Variants in DTHD1 observed in about 807,000 individuals in gnomAD.
DTHD1 encodes the protein death domain-containing protein 1.
Under a neutral mutation model 74.8 loss-of-function variants are expected in DTHD1, and 59 were observed. That is an observed-to-expected ratio of 0.79 (90% CI 0.64 to 0.98). The LOEUF (loss-of-function observed/expected upper bound fraction) is 0.98, where lower values mean the gene tolerates loss of function less well. Ranked by LOEUF, DTHD1 falls within the 50% of genes least tolerant of loss-of-function variation. DTHD1 has a pLI of 0.00. For missense variants in DTHD1, 1,051 were observed against 1,065.4 expected (o/e 0.99, Z 0.19); for synonymous variants, 365 against 371.1 (o/e 0.98, Z 0.19).
chr4:36,283,415 A>G (rs1415452701), intron 1 of DTHD1, among the ~76,000 whole-genome samples: 3 of 152,192 alleles, frequency 2.0e-5, no homozygotes, highest in Non-Finnish European at 4.4e-5. Context: ...ATGCTCACAA[A>G]TTCATCAGGA....
intron 8 of DTHD1, among the ~76,000 whole-genome samples, chr4:36,334,258 G>C (rs1197746130): frequency 1.3e-5 from 2 of 151,994 alleles, no homozygotes; most frequent in East Asian, 3.9e-4. Context: ...TCTGAGACCA[G>C]TTGAATCCAA....
chr4:36,284,627 C>A, intron 2 of DTHD1, 36 bp downstream of exon 2: 1 of 1,404,678 alleles, frequency 7.1e-7, no homozygotes. Context: ...CTTAAGTATG[C>A]CTACTTATAT....
intron 6 of DTHD1, among the ~76,000 whole-genome samples, chr4:36,308,002 C>T (rs1020203891): frequency 6.6e-6 from 1 of 152,172 alleles, no homozygotes; most frequent in Non-Finnish European, 1.5e-5. Context: ...GTGGCATGAG[C>T]CACTGTGCCC....
intron 2 of DTHD1, 82 bp from the exon 3 acceptor site, chr4:36,290,291 T>G: frequency 7.4e-7 from 1 of 1,343,998 alleles, no homozygotes. Context: ...AATGTAGATC[T>G]AGAGTCTGTG....
intron 5 of DTHD1, among the ~76,000 whole-genome samples, chr4:36,305,212 C>T (rs1226492586): frequency 6.6e-6 from 1 of 152,152 alleles, no homozygotes; most frequent in Non-Finnish European, 1.5e-5. Flanking sequence ...TCCTTTAATT[C>T]TATGATGTTG....
chr4:36,330,842 A>C (rs1165092821), intron 8 of DTHD1, among the ~76,000 whole-genome samples: 1 of 152,160 alleles, frequency 6.6e-6, no homozygotes, highest in African/African-American at 2.4e-5. Flanking sequence ...CTTTTATAGT[A>C]GCATTAATTT....
intron 6 of DTHD1, 59 bp downstream of exon 6, chr4:36,306,411 G>A: frequency 1.4e-6 from 2 of 1,426,020 alleles, no homozygotes; most frequent in South Asian, 3.1e-5. Flanking sequence ...CATAACTGGT[G>A]TTTATAGAAA....
rs562970570 is a variant in DTHD1, at chr4:36,284,278, G to T, written c.574G>T (p.Glu192Ter). The change falls in exon 2 of 10, where the codon GAA becomes TAA. Residue 192 changes from glutamate (E) to a stop codon, truncating the protein, a stop_gained. Transcript: ENST00000639862. LOFTEE classifies it high-confidence loss of function. ...THMSSALVEKENNTSLNGRVL... is the reference protein window; with the variant it reads ...THMSSALVEK ...TATGAGTTCAGCATTAGTGGAAAAAGAAAACAATACATCACTGAATGGACG... is the reference window on the plus strand; with the variant it reads ...TATGAGTTCAGCATTAGTGGAAAAATAAAACAATACATCACTGAATGGACG... 9.8e-6 allele frequency: 15 copies of T among 1,537,144 alleles called. No individual in the cohort carries two copies. The highest frequency in any genetic ancestry group is 1.3e-5 in the Non-Finnish European group (15 of 1,146,852).
intron 8 of DTHD1, among the ~76,000 whole-genome samples, chr4:36,318,999 C>T (rs1757912825): frequency 6.6e-6 from 1 of 152,168 alleles, no homozygotes; most frequent in African/African-American, 2.4e-5. Flanking sequence ...TGAGATAGTC[C>T]CATAGCTGCT....
chr4:36,326,143 C>T (rs1299735948), intron 8 of DTHD1, among the ~76,000 whole-genome samples: 1 of 152,056 alleles, frequency 6.6e-6, no homozygotes, highest in East Asian at 1.9e-4. Context: ...CCACGGGCTG[C>T]CATTGTGACA....
chr4:36,325,346 T>C (rs183941796), intron 8 of DTHD1, among the ~76,000 whole-genome samples: 1 of 152,340 alleles, frequency 6.6e-6, no homozygotes, highest in African/African-American at 2.4e-5. Context: ...CTGGTTTGTT[T>C]ATAATTAAGT....
chr4:36,334,129 A>G (rs1052819827), intron 8 of DTHD1, among the ~76,000 whole-genome samples: 1 of 152,072 alleles, frequency 6.6e-6, no homozygotes, highest in Non-Finnish European at 1.5e-5. Flanking sequence ...TCATTGGGAT[A>G]TATTTATAGG....
intron 9 of DTHD1, among the ~76,000 whole-genome samples, chr4:36,339,772 G>A (rs1759214684): frequency 6.6e-6 from 1 of 152,144 alleles, no homozygotes; most frequent in Admixed American, 6.6e-5. Context: ...TCTTACTAGT[G>A]CATCAGGTCC....
At chr4:36,308,122 C>T in intron 6 of DTHD1, 82 bp from the exon 7 acceptor site, 2 of 1,308,806 alleles carry the variant, frequency 1.5e-6, no homozygotes, top group African/African-American at 1.5e-5. Context: ...TGATATGACT[C>T]TTTTCTTGGG....
chr4:36,306,123 A>G (rs754763777), intron 5 of DTHD1, 68 bp from the exon 6 acceptor site: 145 of 1,344,768 alleles, frequency 1.1e-4, no homozygotes, highest in Non-Finnish European at 1.4e-4. Flanking sequence ...CAATGAAAGA[A>G]TGAATGCATT....
chr4:36,325,210 G>T (rs973712376), intron 8 of DTHD1, among the ~76,000 whole-genome samples: 2 of 152,192 alleles, frequency 1.3e-5, no homozygotes, highest in African/African-American at 4.8e-5. Flanking sequence ...AACTGTGATT[G>T]ATTTCATGAC....
intron 8 of DTHD1, among the ~76,000 whole-genome samples, chr4:36,324,142 C>G (rs1408835396): frequency 1.3e-5 from 2 of 151,936 alleles, no homozygotes; most frequent in Non-Finnish European, 2.9e-5. Context: ...TCTCCTCCCC[C>G]CCATTCCTTT....
At chr4:36,283,371 G>A (rs1560781487) in intron 1 of DTHD1, among the ~76,000 whole-genome samples, 1 of 152,204 alleles carries the variant, frequency 6.6e-6, no homozygotes, top group Non-Finnish European at 1.5e-5. Flanking sequence ...TATGGTCAGA[G>A]CTATTCTCTG....
intron 3 of DTHD1, 73 bp downstream of exon 3, chr4:36,290,776 T>C: frequency 1.7e-6 from 2 of 1,204,344 alleles, no homozygotes; most frequent in Non-Finnish European, 2.3e-6. Context: ...ACTAACAGAT[T>C]GTAGTGTAGA....
Sources: allele counts gnomAD v4.1 joint callset (sites outside exome capture counted in the v4.1 genomes callset), GRCh38; gene constraint gnomAD v4.1.1; transcripts MANE v1.5; gene names NCBI Gene and HGNC (gene_info 2026-07-23, HGNC 2026-07-21).